The following IRAK2 variants were observed in gnomAD, a reference collection of about 807,000 sequenced individuals.
IRAK2 encodes interleukin 1 receptor associated kinase 2, also known as interleukin-1 receptor-associated kinase-like 2.
In IRAK2, 57 loss-of-function variants were observed where a neutral mutation model predicts 72.0. The ratio of observed to expected loss-of-function variants is 0.79; its 90% CI spans 0.64 to 0.99. The LOEUF is 0.99. IRAK2 is among the 50% of genes least tolerant of loss of function. IRAK2 has a pLI of 0.00. For missense variants in IRAK2, 790 were observed against 794.4 expected (o/e 0.99, Z 0.07); for synonymous variants, 293 against 312.7 (o/e 0.94, Z 0.67).
intron 10 of IRAK2, among the ~76,000 whole-genome samples, chr3:10,232,339 T>G (rs939685633): frequency 6.6e-6 from 1 of 152,228 alleles, no homozygotes; most frequent in Non-Finnish European, 1.5e-5. Flanking sequence ...TTAGCACTTG[T>G]GACTTGTTTA....
intron 2 of IRAK2, among the ~76,000 whole-genome samples, chr3:10,200,107 C>T (rs976646186): frequency 2.0e-5 from 3 of 151,984 alleles, no homozygotes; most frequent in East Asian, 3.9e-4. Context: ...AGGCTGGTCT[C>T]GAACTCCTGA....
Position 10,173,787 on chromosome 3 carries a change from T to G in IRAK2, c.95-4051T>G, listed in dbSNP as rs191912678. On this transcript the variant is annotated intron_variant, in intron 1 of 12. Coordinates refer to ENST00000256458, the MANE Select transcript of IRAK2 (RefSeq NM_001570.4). ...CTGCAGTGAACTGAGATCACGCCAC[T>G]GCACTCCAGCCTGGGCAGCAGAGCA... 5.1e-3 allele frequency among the ~76,000 whole-genome samples: 771 copies of G among 152,180 alleles called. 6 individuals are homozygous for G. The highest frequency in any genetic ancestry group is 8.5e-3 in the Non-Finnish European group (581 of 68,012).
At chr3:10,192,780 G>A (rs1480436949) in intron 2 of IRAK2, among the ~76,000 whole-genome samples, 2 of 152,290 alleles carry the variant, frequency 1.3e-5, no homozygotes, top group African/African-American at 4.8e-5. Context: ...TTAGCCGGGC[G>A]TGATGGTGTC....
intron 2 of IRAK2, among the ~76,000 whole-genome samples, chr3:10,189,766 C>T (rs762350707): frequency 7.2e-5 from 11 of 152,052 alleles, no homozygotes; most frequent in African/African-American, 2.4e-4. Context: ...CCTTCCTCTC[C>T]GGAAGGGGCC....
In IRAK2 at chr3:10,213,497, G is replaced by C. The variant is rs770664979; in HGVS notation, c.737G>C (p.Ser246Thr). The C allele has an allele frequency of 1.2e-6, 2 of 1,614,018 alleles. No individual in the cohort carries two copies. The highest frequency in any genetic ancestry group is 4.5e-5 in the East Asian group (2 of 44,894). The change falls in exon 6 of 13, where the codon AGT becomes ACT. Residue 246 changes from serine to threonine, a missense_variant. Ser to Thr is a moderately conservative substitution (Grantham distance 58, BLOSUM62 1). Coordinates refer to ENST00000256458, the MANE Select transcript of IRAK2 (RefSeq NM_001570.4). ...FKKLRETACSSPGSIERFFQA... is the reference protein window; with the variant it reads ...FKKLRETACSTPGSIERFFQA... ...CTTTCTCTACAGACAGCCTGTTCAA[G>C]TCCAGGATCAATCGAAAGATTCTTC...
chr3:10,236,370 C>G (rs1427190526), intron 11 of IRAK2, among the ~76,000 whole-genome samples: 5 of 72,722 alleles, frequency 6.9e-5, no homozygotes, highest in Non-Finnish European at 7.6e-5. Flanking sequence ...TTTTTTTTAA[C>G]AGAATCTCAC....
At chr3:10,193,815 G>A (rs1228701684) in intron 2 of IRAK2, among the ~76,000 whole-genome samples, 3 of 152,358 alleles carry the variant, frequency 2.0e-5, no homozygotes, top group East Asian at 1.9e-4. Context: ...TGCCAATGGC[G>A]TGGGCACAGG....
chr3:10,221,542 C>T (rs879759915), intron 8 of IRAK2, among the ~76,000 whole-genome samples: 17 of 150,884 alleles, frequency 1.1e-4, no homozygotes, highest in Admixed American at 2.6e-4. Context: ...TGTGAGCCAC[C>T]GCGCCTGGCC....
chr3:10,173,912 G>A (rs577535559), intron 1 of IRAK2, among the ~76,000 whole-genome samples: 1 of 152,332 alleles, frequency 6.6e-6, no homozygotes, highest in South Asian at 2.1e-4. Context: ...GAACAAAAAT[G>A]TCTAAGCTGG....
In IRAK2 at chr3:10,238,766, G is replaced by T; in HGVS notation, c.1492G>T (p.Ala498Ser). 1 of 1,614,108 alleles carries T rather than the reference G, an allele frequency of 6.2e-7. No individual in the cohort carries two copies. The highest frequency in any genetic ancestry group is 8.5e-7 in the Non-Finnish European group (1 of 1,179,968). Residue 498 changes from alanine (A) to serine (S), a missense_variant, in exon 12 of 13, where the codon GCT (alanine) becomes TCT (serine). Coordinates refer to ENST00000256458, the MANE Select transcript of IRAK2 (RefSeq NM_001570.4). The part of the protein sequence containing the change: ...SLQEVCGSVA[A>S]VEERLRGRET... ...CCCAAAGGTGTGTGGCTCTGTGGCT[G>T]CTGTGGAAGAGCGGCTCCGAGGTCG...
intron 2 of IRAK2, among the ~76,000 whole-genome samples, chr3:10,186,208 C>G (rs1697073582): frequency 6.6e-6 from 1 of 151,752 alleles, no homozygotes; most frequent in African/African-American, 2.4e-5. Flanking sequence ...TTATTTAGGG[C>G]TCCTTGGCTT....
Position 10,242,221 on chromosome 3 carries a change from G to T in IRAK2, c.1871G>T (p.Gly624Val). 6.3e-7 allele frequency: 1 copy of T among 1,596,604 alleles called. No homozygotes were observed. Among genetic ancestry groups the T allele is most frequent in the South Asian group, 1.1e-5 (1 of 90,354 alleles). The change falls in exon 13 of 13, where the codon GGC becomes GTC. Residue 624 changes from glycine (G) to valine (V), a missense_variant. Transcript: ENST00000256458. ...EEKVDSIELF[G>V]P ...AAAGTGGACAGCATTGAGCTCTTTG[G>T]CCCCTGATGACCGGAACACAGCTGA...
intron 1 of IRAK2, among the ~76,000 whole-genome samples, chr3:10,167,466 G>C (rs1378525410): frequency 1.3e-5 from 2 of 151,536 alleles, no homozygotes; most frequent in Non-Finnish European, 1.5e-5. Context: ...CCAGGCTGGA[G>C]TGCAGTGGCG....
In IRAK2 at chr3:10,238,885, T is replaced by C. The variant is rs749549599; in HGVS notation, c.1611T>C (p.Leu537=). The C allele has an allele frequency of 1.2e-6, 2 of 1,614,154 alleles. No individual in the cohort carries two copies. Among genetic ancestry groups the C allele is most frequent in the Admixed American group, 3.3e-5 (2 of 60,012 alleles). ...CAGACGACGTTGACAATTCCAGCCTTGATGCCTCCTCCTCCATGAGTGTGG... is the reference window on the plus strand; with the variant it reads ...CAGACGACGTTGACAATTCCAGCCTCGATGCCTCCTCCTCCATGAGTGTGG... The part of the protein sequence containing the change: ...EETDDVDNSS[L]DASSSMSVAP... The change falls in exon 12 of 13, where the codon CTT becomes CTC. Residue 537 remains leucine, a synonymous_variant. Transcript: ENST00000256458.
chr3:10,202,142 G>A (rs967520555), intron 3 of IRAK2, among the ~76,000 whole-genome samples: 35 of 152,142 alleles, frequency 2.3e-4, no homozygotes, highest in Admixed American at 1.1e-3. Flanking sequence ...ATTATTTCCT[G>A]TAGCTAAATA....
chr3:10,199,257 C>T (rs534673208), intron 2 of IRAK2, among the ~76,000 whole-genome samples: 4 of 152,080 alleles, frequency 2.6e-5, no homozygotes, highest in Non-Finnish European at 5.9e-5. Flanking sequence ...GACACACCCT[C>T]GAAGCACCTT....
chr3:10,186,243 G>A (rs188593568), intron 2 of IRAK2, among the ~76,000 whole-genome samples: 6 of 151,820 alleles, frequency 4.0e-5, no homozygotes, highest in Admixed American at 3.9e-4. Flanking sequence ...CTGCTGGTGT[G>A]GGTTTGGGGA....
intron 1 of IRAK2, among the ~76,000 whole-genome samples, chr3:10,172,978 C>A (rs1312139154): frequency 1.3e-5 from 2 of 151,934 alleles, no homozygotes; most frequent in Non-Finnish European, 2.9e-5. Context: ...CGCACCTGGC[C>A]AAACTCTATG....
intron 1 of IRAK2, among the ~76,000 whole-genome samples, chr3:10,174,182 G>A (rs1486632057): frequency 1.3e-5 from 2 of 152,188 alleles, no homozygotes; most frequent in East Asian, 3.8e-4. Flanking sequence ...CGCTGACCCA[G>A]CTGACATCAC....
Sources: allele counts gnomAD v4.1 joint callset (sites outside exome capture counted in the v4.1 genomes callset), GRCh38; gene constraint gnomAD v4.1.1; transcripts MANE v1.5; gene names NCBI Gene and HGNC (gene_info 2026-07-23, HGNC 2026-07-21).